The following ZFYVE26 variants were observed in gnomAD, a reference collection of about 807,000 sequenced individuals.
ZFYVE26 encodes the protein zinc finger FYVE domain-containing protein 26.
Under a neutral mutation model 276.5 loss-of-function variants are expected in ZFYVE26, and 181 were observed. The observed-to-expected ratio is 0.65, with a 90% CI of 0.58 to 0.74. The LOEUF is 0.74. Ranked by LOEUF, ZFYVE26 falls within the 30% of genes least tolerant of loss-of-function variation. The probability of loss-of-function intolerance (pLI) is 0.00; values close to 1 mark genes in which losing one functional copy is unlikely to be tolerated. For missense variants in ZFYVE26, 2,821 were observed against 3,097.9 expected, an observed-to-expected ratio of 0.91 and a Z score of 2.12; for synonymous variants, 1,129 against 1,203.1, an observed-to-expected ratio of 0.94 and a Z score of 1.27.
Position 67,798,536 on chromosome 14 carries a change from C to G in ZFYVE26, c.1726G>C (p.Glu576Gln). The stretch of plus-strand genomic sequence containing the variant: ...ATGAGAAGCAATGAGAAGATGTTTT[C>G]CAGAAGCTCCAGGCACAGAGAGTCA... ...IPDSLCLELL[E>Q]NIFSLLLITS... Residue 576 changes from glutamate to glutamine, a missense_variant, in exon 11 of 42, where the codon GAA (glutamate) becomes CAA (glutamine). Coordinates refer to ENST00000347230, the MANE Select transcript of ZFYVE26 (RefSeq NM_015346.4). 1 of 1,614,128 alleles carries G rather than the reference C, an allele frequency of 6.2e-7. No individual in the cohort carries two copies. The highest frequency in any genetic ancestry group is 8.5e-7 in the Non-Finnish European group (1 of 1,180,034).
At chr14:67,740,704 C>T (rs1311837300) in intron 13 of ZFYVE26, among the ~76,000 whole-genome samples, 1 of 152,026 alleles carries the variant, frequency 6.6e-6, no homozygotes, top group Non-Finnish European at 1.5e-5. Context: ...ATCAGGAGTT[C>T]GAGACCAGCC....
intron 23 of ZFYVE26, 128 bp from the exon 24 acceptor site, chr14:67,778,376 T>C (rs1268373639): frequency 1.4e-5 from 17 of 1,258,378 alleles, no homozygotes; most frequent in Admixed American, 1.7e-5. Flanking sequence ...ATGAAAATGA[T>C]TGAAGCAGGC....
At chr14:67,808,014 A>G (rs1051013821) in intron 4 of ZFYVE26, 94 bp from the exon 5 acceptor site, 9 of 1,444,682 alleles carry the variant, frequency 6.2e-6, no homozygotes, top group Non-Finnish European at 8.6e-6. Flanking sequence ...CAGTTTACTT[A>G]TATAATAGTG....
In ZFYVE26 at chr14:67,809,048, T is replaced by C. The variant is rs77282778; in HGVS notation, c.363+152A>G. On this transcript the variant is annotated intron_variant, in intron 4 of 41. Transcript: ENST00000347230. ...TAAAATCATATAAGTTTACCCTAACTCTAAACTCTCCTCAAAGGAGCTTCT... is the reference window on the plus strand; with the variant it reads ...TAAAATCATATAAGTTTACCCTAACCCTAAACTCTCCTCAAAGGAGCTTCT... 0.02 allele frequency: 14,778 copies of C among 728,766 alleles called. 374 individuals carry two copies. Among genetic ancestry groups the C allele is most frequent in the African/African-American group, 0.086 (4,934 of 57,142 alleles). The allele number at this position is 728,766 out of a possible 1,614,324, so 45.1% of individuals were successfully genotyped here. A position where few individuals can be genotyped will look rare whatever the true frequency, so the allele number is the denominator to read the frequency against.
chr14:67,772,258 G>A (rs771209029), intron 27 of ZFYVE26, 48 bp from the exon 28 acceptor site: 1 of 1,577,436 alleles, frequency 6.3e-7, no homozygotes, highest in African/African-American at 1.3e-5. Flanking sequence ...CAATATACCA[G>A]CTTATAGATG....
At chr14:67,741,007 G>T (rs184920930) in intron 13 of ZFYVE26, among the ~76,000 whole-genome samples, 2 of 152,256 alleles carry the variant, frequency 1.3e-5, no homozygotes, top group Non-Finnish European at 2.9e-5. Flanking sequence ...AGAAGGACAA[G>T]AATATAGACC....
chr14:67,794,203 C>G lies in ZFYVE26; in HGVS notation c.2369G>C (p.Ser790Thr), dbSNP rs745638676. The change falls in exon 13 of 42, where the codon AGT (serine) becomes ACT (threonine). Residue 790 changes from serine (S) to threonine (T), a missense_variant. Physicochemically the swap from Ser to Thr is moderately conservative, Grantham distance 58 (BLOSUM62 1). Transcript: ENST00000347230. ...ACTTGTGCTCAGCTCACTACTTGTA[C>G]TTTCCAGGGATGGGTTTGAACCTCT... ...RDRGSNPSLE[S>T]TSSELSTSTS... 6.2e-7 allele frequency: 1 copy of G among 1,614,082 alleles called. No homozygotes were observed. Among genetic ancestry groups the G allele is most frequent in the African/African-American group, 1.3e-5 (1 of 74,936 alleles).
At chr14:67,801,976 C>T (rs1435436264) in intron 10 of ZFYVE26, 103 bp downstream of exon 10, 1 of 1,309,922 alleles carries the variant, frequency 7.6e-7, no homozygotes, top group Non-Finnish European at 1.1e-6. Flanking sequence ...AAACCAAGGC[C>T]ATCACCCCAC....
At chr14:67,765,523 G>A (rs114570713) in intron 32 of ZFYVE26, among the ~76,000 whole-genome samples, 121 of 152,286 alleles carry the variant, frequency 7.9e-4, no homozygotes, top group African/African-American at 2.7e-3. Context: ...CAATGATACC[G>A]CAGAGAAAAT....
chr14:67,809,307 A>G lies in ZFYVE26; in HGVS notation c.274-18T>C, dbSNP rs1196518089. On this transcript the variant is annotated intron_variant, in intron 3 of 41. Coordinates refer to ENST00000347230, the MANE Select transcript of ZFYVE26 (RefSeq NM_015346.4). ...AGTAACTTCTAGAAGAATCAAAAGA[A>G]TGAAGCATAGAGATGAGATATATGT... is the stretch of plus-strand genomic sequence containing the variant. 1 of 1,577,340 alleles carries G rather than the reference A, an allele frequency of 6.3e-7. No individual in the cohort carries two copies. Among genetic ancestry groups the G allele is most frequent in the Non-Finnish European group, 8.7e-7 (1 of 1,146,954 alleles).
In ZFYVE26 at chr14:67,734,773, C is replaced by T. The variant is rs554811806; in HGVS notation, n.2680-4954G>A. 2.6e-5 allele frequency among the ~76,000 whole-genome samples: 4 copies of T among 152,240 alleles called. No individual in the cohort carries two copies. In the South Asian group the frequency reaches 8.3e-4, roughly 31 times the overall value. ...TAGGAAATTTGAGTGCTGACGGAGACACTCTTCCCCTTGAGTTTTAGGAAA... is the reference window on the plus strand; with the variant it reads ...TAGGAAATTTGAGTGCTGACGGAGATACTCTTCCCCTTGAGTTTTAGGAAA... On this transcript the variant is annotated intron_variant and non_coding_transcript_variant, in intron 13 of 14. Transcript: ENST00000394455.
At chr14:67,759,150 CAGG>C (rs2038864851) in intron 35 of ZFYVE26, among the ~76,000 whole-genome samples, 1 of 144,996 alleles carries the variant, frequency 6.9e-6, no homozygotes, top group African/African-American at 2.6e-5. Flanking sequence ...GAGGCTGAGG[CAGG>C]AGAAGGGTGT....
At chr14:67,782,316 C>T (rs2235965) in intron 21 of ZFYVE26, among the ~76,000 whole-genome samples, 91,749 of 152,056 alleles carry the variant, frequency 0.6, 28,683 homozygotes, top group East Asian at 0.85. Context: ...TAGACTGTAG[C>T]CATGCTCATT....
In ZFYVE26 at chr14:67,786,261, G is replaced by GAAAAAA. The variant is rs757797866; in HGVS notation, c.3020-29_3020-28insTTTTTT. ...GGAAATAGATGAAGGAAGAGGGAATGCAAAAAAAAAAAATTGAAGTGTTTT... is the reference window on the plus strand; with the variant it reads ...GGAAATAGATGAAGGAAGAGGGAATGAAAAAACAAAAAAAAAAAATTGAAGTGTTTT... On this transcript the variant is annotated intron_variant, in intron 16 of 41. Coordinates refer to ENST00000347230, the MANE Select transcript of ZFYVE26 (RefSeq NM_015346.4). The GAAAAAA allele has an allele frequency of 5.6e-4, 290 of 516,988 alleles. 5 individuals carry two copies. Among genetic ancestry groups the GAAAAAA allele is most frequent in the African/African-American group, 5.3e-3 (192 of 35,930 alleles). The allele number at this position is 516,988 out of a possible 1,614,324, so 32.0% of individuals were successfully genotyped here. A position where few individuals can be genotyped will look rare whatever the true frequency, so the allele number is the denominator to read the frequency against.
chr14:67,745,929 CAAAAAAAAAAAAAAAAAA>C (rs61448179), downstream of ZFYVE26, among the ~76,000 whole-genome samples: 12 of 57,526 alleles, frequency 2.1e-4, no homozygotes, highest in African/African-American at 5.3e-4. Flanking sequence ...GACCCTGTCT[CAAAAAAAAAAAAAAAAAA>C]AAAAAAAAAA....
At position 67,789,370 on chromosome 14, in the gene ZFYVE26, G is replaced by A. The variant is rs758293331; in HGVS notation, c.2984C>T (p.Ala995Val). The A allele has an allele frequency of 6.2e-7, 1 of 1,614,152 alleles. No homozygotes were observed. The change falls in exon 16 of 42, where the codon GCC (alanine) becomes GTC (valine). Residue 995 changes from alanine to valine, a missense_variant. Ala to Val is a moderately conservative substitution (Grantham distance 64). Transcript: ENST00000347230. Reference protein sequence around the residue: ...WKTCKQLLETAERRLNSSLER... With the variant: ...WKTCKQLLETVERRLNSSLER... ...AAGGCTACTATTCAAACGCCGTTCG[G>A]CTGTCTCCAAAAGCTGCTTGCAGGT...
chr14:67,783,325 G>A lies in ZFYVE26; in HGVS notation c.3827C>T (p.Pro1276Leu), dbSNP rs766942556. 8.7e-6 allele frequency: 14 copies of A among 1,612,850 alleles called. No homozygotes were observed. Among genetic ancestry groups the A allele is most frequent in the African/African-American group, 8.0e-5 (6 of 74,886 alleles). The change falls in exon 21 of 42, where the codon CCG becomes CTG. Residue 1276 changes from proline to leucine, a missense_variant. Transcript: ENST00000347230. ...DDLPLSTPSS[P>L]RTTENPTLER... Reference sequence around the variant, plus strand: ...CAATGTAGGGTTCTCAGTTGTCCTCGGGGAGCTCGGTGTAGAAAGTGGGAG... The same window carrying A: ...CAATGTAGGGTTCTCAGTTGTCCTCAGGGAGCTCGGTGTAGAAAGTGGGAG...
At chr14:67,784,586 C>A in intron 19 of ZFYVE26, 150 bp from the exon 20 acceptor site, 1 of 750,638 alleles carries the variant, frequency 1.3e-6, no homozygotes. Context: ...AGGGTATTCT[C>A]AACATGAACC....
intron 9 of ZFYVE26, among the ~76,000 whole-genome samples, chr14:67,803,042 A>G (rs1355510883): frequency 6.6e-6 from 1 of 152,246 alleles, no homozygotes. Flanking sequence ...AGATACAATT[A>G]CTATTAGTCA....
Sources: gnomAD v4.1 joint callset for allele counts (sites outside exome capture counted in the v4.1 genomes callset) on GRCh38, gnomAD v4.1.1 for gene constraint, MANE v1.5 for transcripts, NCBI Gene and HGNC (gene_info 2026-07-23, HGNC 2026-07-21) for gene names.